SEMA5A: variants seen among roughly 807,000 people sequenced by gnomAD.
SEMA5A encodes the protein semaphorin-5A.
Under a neutral mutation model 135.5 loss-of-function variants are expected in SEMA5A, and 55 were observed. The observed-to-expected ratio is 0.41, with a 90% CI of 0.33 to 0.51. The LOEUF is 0.51. Ranked by LOEUF, SEMA5A falls within the 20% of genes least tolerant of loss-of-function variation. SEMA5A has a pLI of 0.37. For missense variants in SEMA5A, 1,290 were observed against 1,419.9 expected, an observed-to-expected ratio of 0.91 and a Z score of 1.47; for synonymous variants, 580 against 546.5, an observed-to-expected ratio of 1.06 and a Z score of -0.85.
intron 6 of SEMA5A, among the ~76,000 whole-genome samples, chr5:9,230,742 T>A (rs550856957): frequency 6.6e-6 from 1 of 152,122 alleles, no homozygotes; most frequent in South Asian, 2.1e-4. Flanking sequence ...CCTGTGGCAA[T>A]CAGGAGCTAA....
At chr5:9,485,129 T>A (rs1734625739) in intron 1 of SEMA5A, among the ~76,000 whole-genome samples, 1 of 152,134 alleles carries the variant, frequency 6.6e-6, no homozygotes. Flanking sequence ...CTGTATTTTA[T>A]CTGGCAACTC....
At chr5:9,521,314 G>A (rs1341675600) in intron 1 of SEMA5A, among the ~76,000 whole-genome samples, 1 of 152,202 alleles carries the variant, frequency 6.6e-6, no homozygotes, top group Non-Finnish European at 1.5e-5. Flanking sequence ...GGAGGCTGAG[G>A]TAGGAGAATC....
At chr5:9,318,679 T>G (rs1561141293) in intron 4 of SEMA5A, among the ~76,000 whole-genome samples, 1 of 152,148 alleles carries the variant, frequency 6.6e-6, no homozygotes. Flanking sequence ...GTGTAAGTCA[T>G]TAACTGGATC....
intron 8 of SEMA5A, among the ~76,000 whole-genome samples, chr5:9,220,997 C>A (rs1485460949): frequency 6.6e-6 from 1 of 152,178 alleles, no homozygotes; most frequent in African/African-American, 2.4e-5. Context: ...GACTTACCCT[C>A]CACTCCTCCT....
rs1738377985 is a variant in SEMA5A at position 9,546,065 on chromosome 5, TCCCG to T, written c.-660_-657del. 6.6e-6 allele frequency: 1 copy of T among 152,042 alleles called. No individual in the cohort carries two copies. Among genetic ancestry groups the T allele is most frequent in the Non-Finnish European group, 1.5e-5 (1 of 68,154 alleles). The allele number at this position is 152,042 out of a possible 1,614,324, so 9.4% of individuals were successfully genotyped here. A position where few individuals can be genotyped will look rare whatever the true frequency, so the allele number is the denominator to read the frequency against. ...AGAGCAGCCGCCACCGGCGCCGCCTTCCCGGCAAGTAGATCGGCGCGGGGCGAGC... is the reference window on the plus strand; with the variant it reads ...AGAGCAGCCGCCACCGGCGCCGCCTTGCAAGTAGATCGGCGCGGGGCGAGC... On this transcript the variant is annotated 5_prime_UTR_variant, in exon 1 of 23. Transcript: ENST00000382496.
chr5:9,119,834 AAG>A (rs1740712618), intron 14 of SEMA5A, among the ~76,000 whole-genome samples: 1 of 152,190 alleles, frequency 6.6e-6, no homozygotes, highest in Non-Finnish European at 1.5e-5. Flanking sequence ...GAGTGCAAAT[AAG>A]AAGTGCAAAT....
intron 15 of SEMA5A, among the ~76,000 whole-genome samples, chr5:9,113,991 C>G (rs905798240): frequency 6.6e-6 from 1 of 152,156 alleles, no homozygotes; most frequent in Admixed American, 6.5e-5. Flanking sequence ...TAAATGGATA[C>G]TCATATGCCA....
chr5:9,523,469 G>A (rs1579682732), intron 1 of SEMA5A, among the ~76,000 whole-genome samples: 1 of 152,154 alleles, frequency 6.6e-6, no homozygotes, highest in African/African-American at 2.4e-5. Flanking sequence ...TCCATATTGT[G>A]TAAAATTGTT....
chr5:9,191,871 C>T (rs1449999397), intron 10 of SEMA5A, among the ~76,000 whole-genome samples: 1 of 149,806 alleles, frequency 6.7e-6, no homozygotes, highest in Non-Finnish European at 1.5e-5. Context: ...CTCAGCCCTG[C>T]CATGACCCAA....
At chr5:9,104,903 G>A (rs912287093) in intron 16 of SEMA5A, among the ~76,000 whole-genome samples, 4 of 152,158 alleles carry the variant, frequency 2.6e-5, no homozygotes, top group African/African-American at 9.7e-5. Context: ...CTGGAGCTAT[G>A]AGCCACCAGG....
At chr5:9,506,268 C>T (rs549824861) in intron 1 of SEMA5A, among the ~76,000 whole-genome samples, 2 of 151,994 alleles carry the variant, frequency 1.3e-5, no homozygotes, top group African/African-American at 2.4e-5. Flanking sequence ...TAAAGTTGCC[C>T]GATTTCTTAG....
intron 5 of SEMA5A, among the ~76,000 whole-genome samples, chr5:9,298,513 G>C (rs1462919331): frequency 1.3e-5 from 2 of 152,162 alleles, no homozygotes; most frequent in Non-Finnish European, 2.9e-5. Context: ...CACATGCGTA[G>C]AACAGAAGTA....
At chr5:9,352,753 G>T (rs929169729) in intron 3 of SEMA5A, among the ~76,000 whole-genome samples, 1 of 152,118 alleles carries the variant, frequency 6.6e-6, no homozygotes, top group Non-Finnish European at 1.5e-5. Context: ...TGGCCTATGG[G>T]CCCAATCTAT....
At chr5:9,209,325 T>C (rs913615040) in intron 8 of SEMA5A, among the ~76,000 whole-genome samples, 2 of 152,370 alleles carry the variant, frequency 1.3e-5, no homozygotes, top group East Asian at 1.9e-4. Flanking sequence ...CTATTAGTTA[T>C]ATATCATTTC....
intron 2 of SEMA5A, among the ~76,000 whole-genome samples, chr5:9,380,401 G>T (rs930195715): frequency 6.6e-6 from 1 of 152,018 alleles, no homozygotes; most frequent in Admixed American, 6.5e-5. Context: ...GCAAACACAG[G>T]TCTATATGTG....
At chr5:9,238,277 T>C (rs1290555044) in intron 5 of SEMA5A, among the ~76,000 whole-genome samples, 4 of 152,174 alleles carry the variant, frequency 2.6e-5, no homozygotes, top group African/African-American at 9.6e-5. Flanking sequence ...AATTTAAATA[T>C]TAATTTTAAC....
intron 3 of SEMA5A, among the ~76,000 whole-genome samples, chr5:9,357,044 C>G (rs1754481751): frequency 6.6e-6 from 1 of 152,178 alleles, no homozygotes; most frequent in South Asian, 2.1e-4. Flanking sequence ...CTTCCTGAGC[C>G]CATTCACACA....
At chr5:9,540,234 G>A (rs1738005465) in intron 1 of SEMA5A, among the ~76,000 whole-genome samples, 2 of 152,272 alleles carry the variant, frequency 1.3e-5, no homozygotes, top group South Asian at 4.2e-4. Context: ...CTCCTAAGCT[G>A]ACATTCTGTA....
chr5:9,061,908 C>T (rs1737202200), intron 18 of SEMA5A, among the ~76,000 whole-genome samples: 3 of 152,044 alleles, frequency 2.0e-5, no homozygotes, highest in African/African-American at 7.2e-5. Flanking sequence ...CCAGGGGTTG[C>T]ATGTTTGATA....
Sources: allele counts gnomAD v4.1 joint callset (sites outside exome capture counted in the v4.1 genomes callset), GRCh38; gene constraint gnomAD v4.1.1; transcripts MANE v1.5; gene names NCBI Gene and HGNC (gene_info 2026-07-23, HGNC 2026-07-21).